The following PACSIN2 variants were observed in gnomAD, a reference collection of about 807,000 sequenced individuals.
PACSIN2 encodes the protein protein kinase C and casein kinase substrate in neurons 2.
PACSIN2 carries 25 observed loss-of-function variants against 63.8 expected under a neutral mutation model. The ratio of observed to expected loss-of-function variants is 0.39; its 90% CI spans 0.29 to 0.55. The LOEUF (loss-of-function observed/expected upper bound fraction) is 0.55. Ranked by LOEUF, PACSIN2 falls within the 20% of genes least tolerant of loss-of-function variation. The pLI is 0.62. For synonymous variants in PACSIN2, 255 were observed against 256.2 expected, an observed-to-expected ratio of 1.00 and a Z score of 0.05; for missense variants, 518 against 646.9, an observed-to-expected ratio of 0.80 and a Z score of 2.16.
In PACSIN2 at chr22:42,874,852, CT is replaced by C. The variant is rs777530387; in HGVS notation, c.1348+1284del. Among the ~76,000 whole-genome samples the C allele has an allele frequency of 5.8e-3, 747 of 128,142 alleles. 2 individuals are homozygous for C. Among genetic ancestry groups the C allele is most frequent in the African/African-American group, 0.017 (572 of 34,584 alleles). 84.1% of individuals were successfully genotyped at this position (128,142 alleles called of 152,430 possible). Reference sequence around the variant, plus strand: ...TCTGAGTCTTGGCATTGGGCATCCGCTTTTTTTTTTTTTTTTGAAAAAGAGT... The same window carrying C: ...TCTGAGTCTTGGCATTGGGCATCCGCTTTTTTTTTTTTTTTGAAAAAGAGT... On this transcript the variant is annotated intron_variant, in intron 10 of 10. Transcript: ENST00000263246.
At chr22:42,989,053 A>ATT (rs1418495037) in intron 1 of PACSIN2, among the ~76,000 whole-genome samples, 2 of 152,070 alleles carry the variant, frequency 1.3e-5, no homozygotes, top group East Asian at 3.9e-4. Context: ...CTAGTTTTAA[A>ATT]TTTTCTGTAG....
rs577224159 is a variant in PACSIN2, at chr22:43,004,465, G to A, written c.-78+10556C>T. On this transcript the variant is annotated intron_variant, in intron 1 of 10. Coordinates refer to ENST00000263246, the MANE Select transcript of PACSIN2 (RefSeq NM_001184970.3). ...AATTGCTTAATTAAAGCATCACCAC[G>A]TGCGAGCTAAGTGGCGAGCAGGCAG... is the stretch of plus-strand genomic sequence containing the variant. 9.2e-5 allele frequency among the ~76,000 whole-genome samples: 14 copies of A among 152,230 alleles called. No homozygotes were observed. In the South Asian group the frequency reaches 2.9e-3, roughly 32 times the overall value.
chr22:42,954,592 C>T (rs1933836853), intron 1 of PACSIN2, among the ~76,000 whole-genome samples: 1 of 152,134 alleles, frequency 6.6e-6, no homozygotes, highest in South Asian at 2.1e-4. Flanking sequence ...AGAGGACTCA[C>T]TATGTTGTCC....
intron 1 of PACSIN2, among the ~76,000 whole-genome samples, chr22:42,971,357 G>C (rs1188447584): frequency 6.6e-6 from 1 of 152,262 alleles, no homozygotes; most frequent in African/African-American, 2.4e-5. Flanking sequence ...GAGGTGCCAG[G>C]ACTGCAGACG....
At chr22:42,981,397 G>A (rs1291668276) in intron 1 of PACSIN2, among the ~76,000 whole-genome samples, 1 of 142,064 alleles carries the variant, frequency 7.0e-6, no homozygotes, top group Non-Finnish European at 1.5e-5. Context: ...CGTCCGGGAG[G>A]TGAGGGGCGC....
At chr22:42,985,419 A>T (rs1005732150) in intron 1 of PACSIN2, among the ~76,000 whole-genome samples, 2 of 152,194 alleles carry the variant, frequency 1.3e-5, no homozygotes, top group Admixed American at 1.3e-4. Context: ...CGTTCTGCCC[A>T]CAAGGGCAGC....
intron 7 of PACSIN2, among the ~76,000 whole-genome samples, chr22:42,879,654 C>T (rs1034548866): frequency 1.1e-4 from 16 of 152,184 alleles, no homozygotes; most frequent in Admixed American, 6.5e-4. Flanking sequence ...AGATCCTTTG[C>T]GTCGATGCCC....
At chr22:42,943,537 T>A (rs1163830361) in intron 1 of PACSIN2, among the ~76,000 whole-genome samples, 1 of 152,208 alleles carries the variant, frequency 6.6e-6, no homozygotes, top group Non-Finnish European at 1.5e-5. Flanking sequence ...ATACCCTTTA[T>A]CCAGTCAAGT....
chr22:42,953,109 G>C (rs1407820221), intron 1 of PACSIN2, among the ~76,000 whole-genome samples: 1 of 151,934 alleles, frequency 6.6e-6, no homozygotes, highest in Non-Finnish European at 1.5e-5. Flanking sequence ...TGGCAAATTT[G>C]CAGGATTTAA....
chr22:42,999,600 G>A (rs1458409626), intron 1 of PACSIN2, among the ~76,000 whole-genome samples: 10 of 152,288 alleles, frequency 6.6e-5, no homozygotes, highest in East Asian at 1.9e-4. Context: ...CCCGGGACGC[G>A]GAGGTTGCCG....
At chr22:42,911,157 G>C (rs1035800128) in intron 2 of PACSIN2, among the ~76,000 whole-genome samples, 3 of 142,740 alleles carry the variant, frequency 2.1e-5, no homozygotes, top group Admixed American at 6.8e-5. Flanking sequence ...ACCCGCCTCG[G>C]CCTCCCAAAG....
In PACSIN2 at chr22:42,973,054, T is replaced by C. The variant is rs182273718; in HGVS notation, c.-78+41967A>G. On this transcript the variant is annotated intron_variant, in intron 1 of 10. Transcript: ENST00000263246. Reference sequence around the variant, plus strand: ...GGGGTCAATACGGAAGTAAGAACTTTGACAGGGCAGTCATATATCTGCCCA... The same window carrying C: ...GGGGTCAATACGGAAGTAAGAACTTCGACAGGGCAGTCATATATCTGCCCA... Among the ~76,000 whole-genome samples the C allele has an allele frequency of 2.1e-3, 323 of 152,310 alleles. 10 individuals carry two copies. The highest frequency in any genetic ancestry group is 0.019 in the Admixed American group (293 of 15,302).
chr22:42,914,579 A>G (rs1931688720), intron 1 of PACSIN2, among the ~76,000 whole-genome samples: 1 of 152,022 alleles, frequency 6.6e-6, no homozygotes, highest in African/African-American at 2.4e-5. Context: ...GCCTCACCCC[A>G]TGTTTCAGCA....
At position 42,871,185 on chromosome 22, in the gene PACSIN2, A is replaced by G; in HGVS notation, c.*172T>C. The G allele has an allele frequency of 1.6e-6, 1 of 619,308 alleles. No homozygotes were observed. Among genetic ancestry groups the G allele is most frequent in the Non-Finnish European group, 2.9e-6 (1 of 342,446 alleles). 38.4% of individuals were successfully genotyped at this position (619,308 alleles called of 1,614,324 possible). A position where few individuals can be genotyped will look rare whatever the true frequency, so the allele number is the denominator to read the frequency against. On this transcript the variant is annotated 3_prime_UTR_variant, in exon 11 of 11. Transcript: ENST00000263246. This position sits in a 1 kb window ranked among gnomAD's most constrained non-coding sequence, Gnocchi z 5.4. ...TCAGATCCCTCCAGCTGCACTCGGA[A>G]AGGTGCCGAGTCCCAGGCGAAATGA... is the stretch of plus-strand genomic sequence containing the variant.
At chr22:42,875,334 A>G (rs1477882217) in intron 10 of PACSIN2, among the ~76,000 whole-genome samples, 1 of 151,846 alleles carries the variant, frequency 6.6e-6, no homozygotes, top group African/African-American at 2.4e-5. Context: ...TTGTTTATTT[A>G]TTTGAGACAG....
chr22:42,876,314 T>A lies in PACSIN2; in HGVS notation c.1171A>T (p.Thr391Ser). 6.2e-7 allele frequency: 1 copy of A among 1,614,084 alleles called. No homozygotes were observed. The highest frequency in any genetic ancestry group is 8.5e-7 in the Non-Finnish European group (1 of 1,179,954). Reference sequence around the variant, plus strand: ...GACCAGTCGGTGGGATAGCTCTGGGTCTTCTCGTAGCTGCTCACACTGCAA... The same window carrying A: ...GACCAGTCGGTGGGATAGCTCTGGGACTTCTCGTAGCTGCTCACACTGCAA... ...KAKNVSSYEKTQSYPTDWSDD... is the reference protein window; with the variant it reads ...KAKNVSSYEKSQSYPTDWSDD... The change falls in exon 10 of 11, where the codon ACC becomes TCC. Residue 391 changes from threonine to serine, a missense_variant. By Grantham distance (58) the Thr-to-Ser change is moderately conservative (BLOSUM62 1). This residue lies in a region of PACSIN2 where 507 missense variants were observed against 612.3 expected (regional missense o/e 0.83). Transcript: ENST00000263246.
chr22:42,931,575 T>C, intron 1 of PACSIN2, among the ~76,000 whole-genome samples: 2 of 152,060 alleles, frequency 1.3e-5, no homozygotes, highest in South Asian at 4.1e-4. Context: ...AGCCGATGGC[T>C]GCCCTGAAAC....
chr22:42,956,705 A>T (rs1271713460), intron 1 of PACSIN2, among the ~76,000 whole-genome samples: 1 of 152,094 alleles, frequency 6.6e-6, no homozygotes, highest in Non-Finnish European at 1.5e-5. Context: ...AAAAAGGCCC[A>T]AACACCAACA....
At chr22:42,943,609 T>A (rs1269908752) in intron 1 of PACSIN2, among the ~76,000 whole-genome samples, 2 of 151,966 alleles carry the variant, frequency 1.3e-5, no homozygotes, top group African/African-American at 4.9e-5. Flanking sequence ...TGGGGTTGGG[T>A]GTTTTTTCTT....
Sources: gnomAD v4.1 joint callset for allele counts (sites outside exome capture counted in the v4.1 genomes callset) on GRCh38, gnomAD v4.1.1 for gene constraint, gnomAD v4.1.1 regional missense constraint, Gnocchi (gnomAD v3.1) non-coding constraint, MANE v1.5 for transcripts, NCBI Gene and HGNC (gene_info 2026-07-23, HGNC 2026-07-21) for gene names.